PAPSS2: variants seen among roughly 807,000 people sequenced by gnomAD.
PAPSS2 encodes bifunctional 3'-phosphoadenosine 5'-phosphosulfate synthase 2.
Under a neutral mutation model 66.5 loss-of-function variants are expected in PAPSS2, and 61 were observed. The observed-to-expected ratio is 0.92, with a 90% confidence interval of 0.75 to 1.14. The LOEUF (loss-of-function observed/expected upper bound fraction) is 1.14, where lower values mean the gene tolerates loss of function less well. Ranked by LOEUF, PAPSS2 falls within the 50% of genes most tolerant of loss-of-function variation. The pLI, the probability that PAPSS2 is intolerant of heterozygous loss-of-function variation, is 0.00. For missense variants in PAPSS2, 708 were observed against 789.6 expected, an observed-to-expected ratio of 0.90 and a Z score of 1.24; for synonymous variants, 289 against 287.5, an observed-to-expected ratio of 1.01 and a Z score of -0.05.
At chr10:87,701,404 TTCTCTCTCTC>T (rs60115570) in intron 1 of PAPSS2, among the ~76,000 whole-genome samples, 1 of 57,864 alleles carries the variant, frequency 1.7e-5, no homozygotes, top group African/African-American at 9.8e-5. Context: ...TTCTCTTTCT[TTCTCTCTCTC>T]TCTCTCTCTC....
chr10:87,683,429 A>G (rs762885899), intron 1 of PAPSS2, among the ~76,000 whole-genome samples: 5 of 152,180 alleles, frequency 3.3e-5, no homozygotes, highest in African/African-American at 9.6e-5. Flanking sequence ...TTTCTTGAAA[A>G]TGAGTTCAAC....
chr10:87,696,571 G>T (rs1040197141), intron 1 of PAPSS2, among the ~76,000 whole-genome samples: 3 of 152,162 alleles, frequency 2.0e-5, no homozygotes, highest in African/African-American at 7.2e-5. Flanking sequence ...ACACCCAGCT[G>T]CTCTACCAGT....
intron 1 of PAPSS2, among the ~76,000 whole-genome samples, chr10:87,680,189 G>A (rs190653474): frequency 1.3e-5 from 2 of 152,314 alleles, no homozygotes; most frequent in East Asian, 3.9e-4. Context: ...AAGTTGTCCA[G>A]TTGTCACTTT....
At chr10:87,704,529 T>C (rs1310271122) in intron 1 of PAPSS2, among the ~76,000 whole-genome samples, 2 of 152,196 alleles carry the variant, frequency 1.3e-5, no homozygotes, top group African/African-American at 4.8e-5. Flanking sequence ...AGCACCTTAG[T>C]CTAGTATGTT....
rs1007633067 is a variant in PAPSS2, at chr10:87,669,740, C to T, written c.27+9732C>T. ...AACTCATTGACTCTTCACCATCTCG[C>T]GAAGCAAGTTTGTGAATAAATAGTC... On this transcript the variant is annotated intron_variant, in intron 1 of 12. Coordinates refer to ENST00000456849, the MANE Select transcript of PAPSS2 (RefSeq NM_001015880.2). Among the ~76,000 whole-genome samples the T allele has an allele frequency of 5.9e-5, 9 of 152,278 alleles. No individual in the cohort carries two copies. The Middle Eastern group carries it at 0.01, about 173-fold the overall frequency.
chr10:87,676,872 C>CAAA lies in PAPSS2; in HGVS notation c.27+16901_27+16903dup, dbSNP rs71019493. On this transcript the variant is annotated intron_variant, in intron 1 of 12. Coordinates refer to ENST00000456849, the MANE Select transcript of PAPSS2 (RefSeq NM_001015880.2). ...TGGATGACAGAATGAGACCCTGTCT[C>CAAA]AAAAAAAAAAAAAAAAAAAAAAAAA... 2.2e-4 allele frequency among the ~76,000 whole-genome samples: 7 copies of CAAA among 31,368 alleles called. 1 individual carries two copies. Among genetic ancestry groups the CAAA allele is most frequent in the African/African-American group, 3.3e-4 (3 of 9,188 alleles). The allele number at this position is 31,368 out of a possible 152,430, so 20.6% of individuals were successfully genotyped here. A position where few individuals can be genotyped will look rare whatever the true frequency, so the allele number is the denominator to read the frequency against.
At chr10:87,717,409 G>A (rs1397955953) in intron 7 of PAPSS2, among the ~76,000 whole-genome samples, 1 of 152,178 alleles carries the variant, frequency 6.6e-6, no homozygotes, top group East Asian at 1.9e-4. Context: ...AGTGTTAATG[G>A]AAATCAGAGG....
chr10:87,663,494 G>A (rs1229624216), intron 1 of PAPSS2, among the ~76,000 whole-genome samples: 1 of 152,106 alleles, frequency 6.6e-6, no homozygotes, highest in Non-Finnish European at 1.5e-5. Context: ...TGGAAGGAGG[G>A]ACAAAAAGCA....
chr10:87,746,276 T>G lies in PAPSS2; in HGVS notation c.*306T>G, dbSNP rs772524185. The G allele has an allele frequency of 2.4e-5, 5 of 208,286 alleles. No homozygotes were observed. The highest frequency in any genetic ancestry group is 3.8e-5 in the Non-Finnish European group (4 of 105,270). 12.9% of individuals were successfully genotyped at this position (208,286 alleles called of 1,614,324 possible). A position where few individuals can be genotyped will look rare whatever the true frequency, so the allele number is the denominator to read the frequency against. ...GGTCCCAGATTTCTTAAGGCTTTGT[T>G]TGACCATGTGTCTAGTTACTTGCTG... is the stretch of plus-strand genomic sequence containing the variant. On this transcript the variant is annotated 3_prime_UTR_variant, in exon 13 of 13. Coordinates refer to ENST00000456849, the MANE Select transcript of PAPSS2 (RefSeq NM_001015880.2).
At chr10:87,697,609 C>T (rs1853250881) in intron 1 of PAPSS2, among the ~76,000 whole-genome samples, 1 of 152,052 alleles carries the variant, frequency 6.6e-6, no homozygotes, top group Admixed American at 6.6e-5. Flanking sequence ...GGCGGCAGTC[C>T]AAGGAAAATA....
intron 1 of PAPSS2, among the ~76,000 whole-genome samples, chr10:87,676,325 A>G (rs865786356): frequency 6.6e-6 from 1 of 152,224 alleles, no homozygotes. Context: ...TGTATGTTCC[A>G]GTAGGACTAA....
rs1412904355 is a variant in PAPSS2 at position 87,746,835 on chromosome 10, G to A, written c.*865G>A. On this transcript the variant is annotated 3_prime_UTR_variant, in exon 13 of 13. Coordinates refer to ENST00000456849, the MANE Select transcript of PAPSS2 (RefSeq NM_001015880.2). ...TAATAAAAAATAATTCACACTATCAGACTAGCAAGGCACTAGAACTGGAAA... is the reference window on the plus strand; with the variant it reads ...TAATAAAAAATAATTCACACTATCAAACTAGCAAGGCACTAGAACTGGAAA... 4 of 152,228 alleles carry A rather than the reference G, an allele frequency of 2.6e-5. No homozygotes were observed. Among genetic ancestry groups the A allele is most frequent in the Admixed American group, 2.6e-4 (4 of 15,282 alleles). 9.4% of individuals were successfully genotyped at this position (152,228 alleles called of 1,614,324 possible).
chr10:87,698,994 G>A (rs1853268984), intron 1 of PAPSS2, among the ~76,000 whole-genome samples: 1 of 152,222 alleles, frequency 6.6e-6, no homozygotes, highest in African/African-American at 2.4e-5. Context: ...GGTGGTGACT[G>A]CATCAAAGTT....
intron 9 of PAPSS2, among the ~76,000 whole-genome samples, chr10:87,734,603 A>G (rs1564727265): frequency 6.8e-6 from 1 of 147,474 alleles, no homozygotes; most frequent in African/African-American, 2.5e-5. Context: ...CATTACCTCC[A>G]GGTTCCTTAA....
intron 9 of PAPSS2, among the ~76,000 whole-genome samples, chr10:87,739,394 C>T (rs1050845043): frequency 1.3e-5 from 2 of 152,146 alleles, no homozygotes; most frequent in Non-Finnish European, 2.9e-5. Flanking sequence ...TTGGAGATTT[C>T]CTTTTGTTTT....
At chr10:87,687,601 A>G (rs1853104601) in intron 1 of PAPSS2, among the ~76,000 whole-genome samples, 1 of 152,220 alleles carries the variant, frequency 6.6e-6, no homozygotes, top group Admixed American at 6.5e-5. Context: ...GGATGAATAC[A>G]GTTACATAGG....
At chr10:87,694,025 G>A (rs574792660) in intron 1 of PAPSS2, among the ~76,000 whole-genome samples, 25 of 152,270 alleles carry the variant, frequency 1.6e-4, no homozygotes, top group South Asian at 8.3e-4. Context: ...TCAACGAAAC[G>A]TTTATTAAAC....
At chr10:87,691,857 G>A (rs1273010976) in intron 1 of PAPSS2, among the ~76,000 whole-genome samples, 1 of 152,140 alleles carries the variant, frequency 6.6e-6, no homozygotes, top group Non-Finnish European at 1.5e-5. Flanking sequence ...TTGGAAGGCT[G>A]AGGTGGGAAG....
chr10:87,710,380 G>A (rs1290901874), intron 2 of PAPSS2, among the ~76,000 whole-genome samples: 1 of 152,134 alleles, frequency 6.6e-6, no homozygotes, highest in African/African-American at 2.4e-5. Flanking sequence ...GGAACCTGCT[G>A]TGCTCTAATA....
Sources: allele counts gnomAD v4.1 joint callset (sites outside exome capture counted in the v4.1 genomes callset), GRCh38; gene constraint gnomAD v4.1.1; transcripts MANE v1.5; gene names NCBI Gene and HGNC (gene_info 2026-07-23, HGNC 2026-07-21).